TMC5: variants seen among roughly 807,000 people sequenced by gnomAD.
TMC5 encodes transmembrane channel like 5, also known as transmembrane channel-like protein 5.
Under a neutral mutation model 110.5 loss-of-function variants are expected in TMC5, and 86 were observed. The ratio of observed to expected loss-of-function variants is 0.78; its 90% confidence interval spans 0.65 to 0.93. TMC5 has a LOEUF of 0.93. Among genes scored for constraint, TMC5 ranks in the 40% least tolerant of loss-of-function variants. The pLI is 0.00. For missense variants in TMC5, 1,144 were observed against 1,222.8 expected (o/e 0.94, Z 0.96); for synonymous variants, 455 against 439.5 (o/e 1.04, Z -0.44).
chr16:19,461,027 G>A (rs1968008762), intron 6 of TMC5, among the ~76,000 whole-genome samples: 2 of 152,106 alleles, frequency 1.3e-5, no homozygotes, highest in African/African-American at 4.8e-5. Context: ...GACATGACAA[G>A]TAAATGCAAT....
Position 19,487,314 on chromosome 16 carries a change from T to C in TMC5, c.2561T>C (p.Ile854Thr), listed in dbSNP as rs201517116. 1.2e-5 allele frequency: 19 copies of C among 1,613,660 alleles called. No individual in the cohort carries two copies. In the East Asian group the frequency reaches 4.2e-4, roughly 36 times the overall value. Residue 854 changes from isoleucine to threonine, a missense_variant, in exon 17 of 22, where the codon ATC becomes ACC. Physicochemically the swap from Ile to Thr is moderately conservative, Grantham distance 89 (BLOSUM62 -1). Transcript: ENST00000542583. Reference sequence around the variant, plus strand: ...ACCGGGGTCTTGTGCACCCTGGCCATCACCATCTGGAGGTAGGAGAAGGTG... The same window carrying C: ...ACCGGGGTCTTGTGCACCCTGGCCACCACCATCTGGAGGTAGGAGAAGGTG... ...SFTGVLCTLAITIWRLKPSAD... is the reference protein window; with the variant it reads ...SFTGVLCTLATTIWRLKPSAD...
rs1222383166 is a variant in TMC5 at position 19,466,181 on chromosome 16, A to G, written c.1585A>G (p.Ile529Val). The G allele has an allele frequency of 1.2e-6, 2 of 1,614,084 alleles. No individual in the cohort carries two copies. Among genetic ancestry groups the G allele is most frequent in the Non-Finnish European group, 1.7e-6 (2 of 1,180,022 alleles). The change falls in exon 9 of 22, where the codon ATC (isoleucine) becomes GTC (valine). Residue 529 changes from isoleucine (I) to valine (V), a missense_variant. Ile to Val is a conservative substitution (Grantham distance 29). Coordinates refer to ENST00000542583, the MANE Select transcript of TMC5 (RefSeq NM_001261841.2). Reference protein sequence around the residue: ...GASYNMQLAYIFTIGACLTTC... With the variant: ...GASYNMQLAYVFTIGACLTTC... ...ATCCTACAACATGCAGCTGGCCTAC[A>G]TCTTCACAATCGGAGCATGCTTGAC...
rs994672555 is a variant in TMC5, at chr16:19,465,976, C to T, written c.1486-106C>T. 2.0e-5 allele frequency: 24 copies of T among 1,220,486 alleles called. No individual in the cohort carries two copies. In the East Asian group the frequency reaches 5.2e-4, roughly 26 times the overall value. The allele number at this position is 1,220,486 out of a possible 1,614,324, so 75.6% of individuals were successfully genotyped here. A position where few individuals can be genotyped will look rare whatever the true frequency, so the allele number is the denominator to read the frequency against. On this transcript the variant is annotated intron_variant, in intron 8 of 21. Transcript: ENST00000542583. ...CTGGAAAACAAAATGTCTAAACTGA[C>T]TGGCCCAGGCTTCTTGTATTCAGGA... is the stretch of plus-strand genomic sequence containing the variant.
At chr16:19,433,036 C>A (rs1446004127) in intron 2 of TMC5, among the ~76,000 whole-genome samples, 1 of 151,942 alleles carries the variant, frequency 6.6e-6, no homozygotes, top group African/African-American at 2.4e-5. Flanking sequence ...TATACGCATA[C>A]AATATGAAGT....
At chr16:19,428,935 T>G (rs1161860552) in intron 1 of TMC5, among the ~76,000 whole-genome samples, 1 of 152,130 alleles carries the variant, frequency 6.6e-6, no homozygotes, top group East Asian at 1.9e-4. Flanking sequence ...AAGCAATTCC[T>G]GTGCCTCAGC....
intron 15 of TMC5, among the ~76,000 whole-genome samples, chr16:19,486,480 G>A (rs1232413191): frequency 1.3e-5 from 2 of 152,118 alleles, no homozygotes; most frequent in Non-Finnish European, 2.9e-5. Flanking sequence ...AGGTTCAAGC[G>A]ATTCTCCTGC....
intron 4 of TMC5, among the ~76,000 whole-genome samples, chr16:19,447,081 T>C (rs1967631048): frequency 1.3e-5 from 2 of 152,194 alleles, no homozygotes; most frequent in African/African-American, 4.8e-5. Context: ...ACAGGAATGC[T>C]GCATAACAAA....
chr16:19,461,612 A>C (rs1377337559), intron 6 of TMC5, among the ~76,000 whole-genome samples: 2 of 152,156 alleles, frequency 1.3e-5, no homozygotes, highest in Non-Finnish European at 2.9e-5. Flanking sequence ...GAAAAAATAC[A>C]TAAAGACCTT....
chr16:19,478,248 G>T (rs1432870669), intron 13 of TMC5, among the ~76,000 whole-genome samples: 1 of 152,180 alleles, frequency 6.6e-6, no homozygotes, highest in Non-Finnish European at 1.5e-5. Flanking sequence ...ATGCCCTGGG[G>T]TTGGAAGTAG....
intron 18 of TMC5, among the ~76,000 whole-genome samples, 173 bp downstream of exon 18, chr16:19,490,741 TC>T (rs1229409875): frequency 1.9e-5 from 2 of 103,414 alleles, no homozygotes; most frequent in African/African-American, 2.8e-5. Flanking sequence ...CTTCCTTCCT[TC>T]CTTCCTTCCT....
chr16:19,497,913 A>G lies in TMC5; in HGVS notation c.2975-7A>G. The G allele has an allele frequency of 6.2e-7, 1 of 1,613,928 alleles. No individual in the cohort carries two copies. The highest frequency in any genetic ancestry group is 1.3e-5 in the African/African-American group (1 of 75,018). ...GCGTTAACTTCTCTTTCCTGTGTCA[A>G]ACCTAGACTTGCGATCTAGAAGATC... On this transcript the variant is annotated splice_region_variant and splice_polypyrimidine_tract_variant and intron_variant, in intron 21 of 21. Coordinates refer to ENST00000542583, the MANE Select transcript of TMC5 (RefSeq NM_001261841.2).
At chr16:19,473,672 T>C (rs1466759536) in intron 11 of TMC5, among the ~76,000 whole-genome samples, 1 of 152,132 alleles carries the variant, frequency 6.6e-6, no homozygotes, top group Non-Finnish European at 1.5e-5. Flanking sequence ...AGGAAATTAA[T>C]GGTAGCTTAA....
At chr16:19,494,913 C>T (rs11074398) in intron 20 of TMC5, among the ~76,000 whole-genome samples, 32,132 of 151,890 alleles carry the variant, frequency 0.21, 4,648 homozygotes, top group East Asian at 0.39. Context: ...GGAACTTGCA[C>T]GCTTGTTTTT....
intron 18 of TMC5, among the ~76,000 whole-genome samples, chr16:19,491,479 C>T (rs931327255): frequency 1.7e-4 from 25 of 151,446 alleles, no homozygotes; most frequent in Non-Finnish European, 3.2e-4. Context: ...GAGCAAGACC[C>T]CATCACTGGG....
In TMC5 at chr16:19,494,288, A is replaced by G. The variant is rs1968992388; in HGVS notation, c.2853A>G (p.Ile951Met). The change falls in exon 20 of 22, where the codon ATA becomes ATG. Residue 951 changes from isoleucine to methionine, a missense_variant. Ile to Met is a conservative substitution (Grantham distance 10, BLOSUM62 1). Coordinates refer to ENST00000542583, the MANE Select transcript of TMC5 (RefSeq NM_001261841.2). ...INEGKDKMFL[I>M]EKLIKLQDME... ...AGGGCAAAGATAAAATGTTCCTGATAGAAAAATTGATCAAGCTGCAGGATA... is the reference window on the plus strand; with the variant it reads ...AGGGCAAAGATAAAATGTTCCTGATGGAAAAATTGATCAAGCTGCAGGATA... The G allele has an allele frequency of 6.2e-7, 1 of 1,613,074 alleles. No individual in the cohort carries two copies. The highest frequency in any genetic ancestry group is 8.5e-7 in the Non-Finnish European group (1 of 1,179,614).
chr16:19,434,954 C>A (rs1967307964), intron 2 of TMC5, among the ~76,000 whole-genome samples: 1 of 152,148 alleles, frequency 6.6e-6, no homozygotes, highest in Non-Finnish European at 1.5e-5. Context: ...GGTTCCCAAC[C>A]ACTTTCATTT....
chr16:19,494,999 T>A (rs528921702), intron 20 of TMC5, among the ~76,000 whole-genome samples: 1 of 144,438 alleles, frequency 6.9e-6, no homozygotes, highest in East Asian at 2.0e-4. Flanking sequence ...TATGAATACT[T>A]CAGTGTCTAT....
upstream of TMC5, among the ~76,000 whole-genome samples, chr16:19,416,986 C>T (rs188924055): frequency 4.0e-3 from 585 of 144,530 alleles, 5 homozygotes; most frequent in African/African-American, 0.014. Context: ...CCCAGCTACT[C>T]GGGAGGCTGA....
chr16:19,435,584 TACAC>T (rs143806601), intron 2 of TMC5, among the ~76,000 whole-genome samples: 9 of 102,650 alleles, frequency 8.8e-5, no homozygotes, highest in East Asian at 7.6e-4. Context: ...GATTTTTACA[TACAC>T]ACACACACAC....
Sources: allele counts gnomAD v4.1 joint callset (sites outside exome capture counted in the v4.1 genomes callset), GRCh38; gene constraint gnomAD v4.1.1; transcripts MANE v1.5; gene names NCBI Gene and HGNC (gene_info 2026-07-23, HGNC 2026-07-21).